The following MCPH1 variants were observed in gnomAD, a reference collection of about 807,000 sequenced individuals.
MCPH1 encodes microcephalin.
A neutral mutation model predicts 84.5 loss-of-function variants in MCPH1; 104 were observed. The ratio of observed to expected loss-of-function variants is 1.23; its 90% CI spans 1.05 to 1.45. The LOEUF is 1.45. Ranked by LOEUF, MCPH1 falls within the 40% of genes most tolerant of loss-of-function variation. The probability of loss-of-function intolerance (pLI) is 0.00; values close to 1 mark genes in which losing one functional copy is unlikely to be tolerated. For synonymous variants in MCPH1, 514 were observed against 366.8 expected (o/e 1.40, Z -4.58); for missense variants, 1,498 against 1,005.7 (o/e 1.49, Z -6.62).
chr8:6,462,703 G>A (rs1806414112), intron 9 of MCPH1, among the ~76,000 whole-genome samples: 1 of 152,140 alleles, frequency 6.6e-6, no homozygotes, highest in Non-Finnish European at 1.5e-5. Context: ...CTTAATATCT[G>A]TGCCTATACT....
Position 6,442,148 on chromosome 8 carries a change from T to C in MCPH1, c.662T>C (p.Leu221Ser). ...CCTTTGAACATTTCACGTGATACTTTGTGTTCAGGTAAAATTTTTATTTTC... is the reference window on the plus strand; with the variant it reads ...CCTTTGAACATTTCACGTGATACTTCGTGTTCAGGTAAAATTTTTATTTTC... ...EAPLNISRDT[L>S]CSDEYFAGGL... The change falls in exon 7 of 14, where the codon TTG becomes TCG. Residue 221 changes from leucine (L) to serine (S), a missense_variant. Transcript: ENST00000344683. The C allele has an allele frequency of 1.2e-6, 2 of 1,601,998 alleles. No individual in the cohort carries two copies. The highest frequency in any genetic ancestry group is 1.7e-6 in the Non-Finnish European group (2 of 1,169,074).
intron 12 of MCPH1, among the ~76,000 whole-genome samples, chr8:6,620,431 G>C (rs564346518): frequency 1.4e-4 from 22 of 152,090 alleles, no homozygotes; most frequent in Non-Finnish European, 1.2e-4. Flanking sequence ...TTTACTCTTT[G>C]CTGCTCTTCC....
At chr8:6,422,218 A>C (rs547738793) in intron 3 of MCPH1, among the ~76,000 whole-genome samples, 2 of 152,258 alleles carry the variant, frequency 1.3e-5, no homozygotes, top group African/African-American at 4.8e-5. Flanking sequence ...TAGTAAGTCT[A>C]ACATTCATCT....
intron 12 of MCPH1, among the ~76,000 whole-genome samples, chr8:6,552,456 G>C (rs1281992640): frequency 6.6e-6 from 1 of 152,144 alleles, no homozygotes; most frequent in Non-Finnish European, 1.5e-5. Context: ...ATTATCTTTC[G>C]AGTAAACATG....
chr8:6,572,294 A>G (rs979333524), intron 12 of MCPH1, among the ~76,000 whole-genome samples: 1 of 152,234 alleles, frequency 6.6e-6, no homozygotes, highest in Admixed American at 6.5e-5. Flanking sequence ...GCGCATTTAA[A>G]TCACCTTTTT....
At chr8:6,582,044 G>A (rs138956667) in intron 12 of MCPH1, among the ~76,000 whole-genome samples, 114 of 152,248 alleles carry the variant, frequency 7.5e-4, no homozygotes, top group Non-Finnish European at 1.4e-3. Flanking sequence ...TGAGGGAGGC[G>A]CAAACATTCA....
At chr8:6,580,594 T>G (rs1246314077) in intron 12 of MCPH1, among the ~76,000 whole-genome samples, 2 of 152,164 alleles carry the variant, frequency 1.3e-5, no homozygotes, top group African/African-American at 4.8e-5. Flanking sequence ...GACGTTGCAG[T>G]GAGCTGTGAT....
intron 12 of MCPH1, among the ~76,000 whole-genome samples, chr8:6,561,351 C>G (rs1586633022): frequency 6.6e-6 from 1 of 152,188 alleles, no homozygotes; most frequent in African/African-American, 2.4e-5. Flanking sequence ...GACACAGTAA[C>G]CAGTGGTGCT....
intron 12 of MCPH1, among the ~76,000 whole-genome samples, chr8:6,522,498 G>T (rs996085805): frequency 1.3e-5 from 2 of 152,184 alleles, no homozygotes; most frequent in African/African-American, 4.8e-5. Flanking sequence ...TGAGGGCCAG[G>T]CTCAGTGGCT....
chr8:6,513,013 G>T (rs915669434), intron 12 of MCPH1, among the ~76,000 whole-genome samples: 2 of 152,164 alleles, frequency 1.3e-5, no homozygotes, highest in African/African-American at 2.4e-5. Context: ...AAACAGCACA[G>T]TCACAAGTAT....
chr8:6,489,314 A>G (rs866975637), intron 11 of MCPH1, among the ~76,000 whole-genome samples: 20 of 150,520 alleles, frequency 1.3e-4, no homozygotes, highest in Middle Eastern at 3.4e-3. Context: ...GTCAGGGGGA[A>G]GGGGGAGGCA....
Position 6,646,079 on chromosome 8 carries a change from G to C in MCPH1, c.*3030G>C, listed in dbSNP as rs1227107024. The stretch of plus-strand genomic sequence containing the variant: ...ACAAAACAATTTTTTTAAGAGCAAA[G>C]TTGGAGGATTTATAGAACCTGATTC... On this transcript the variant is annotated 3_prime_UTR_variant, in exon 14 of 14. Transcript: ENST00000344683. The C allele has an allele frequency of 1.3e-5, 2 of 152,198 alleles. No homozygotes were observed. The highest frequency in any genetic ancestry group is 2.9e-5 in the Non-Finnish European group (2 of 68,040). The allele number at this position is 152,198 out of a possible 1,614,324, so 9.4% of individuals were successfully genotyped here.
At position 6,488,717 on chromosome 8, in the gene MCPH1, T is replaced by A. The variant is rs572105113; in HGVS notation, c.2136+7841T>A. 9.0e-4 allele frequency among the ~76,000 whole-genome samples: 137 copies of A among 151,912 alleles called. 1 individual carries two copies. The highest frequency in any genetic ancestry group is 6.8e-3 in the Middle Eastern group (2 of 294). On this transcript the variant is annotated intron_variant, in intron 11 of 13. Coordinates refer to ENST00000344683, the MANE Select transcript of MCPH1 (RefSeq NM_024596.5). ...GTAGGGCCCCAGTATGGCTGTGTAG[T>A]TCAAGACGAGGGATGCAGAAGCCAT...
At position 6,609,692 on chromosome 8, in the gene MCPH1, G is replaced by C. The variant is rs987533853; in HGVS notation, c.2215-11762G>C. On this transcript the variant is annotated intron_variant, in intron 12 of 13. Transcript: ENST00000344683. The stretch of plus-strand genomic sequence containing the variant: ...CGCTTTTACTTTTTGCATAAAATAA[G>C]AATTTGAGGAGGATGTCCCGGGAGA... Among the ~76,000 whole-genome samples, 5 of 152,326 alleles carry C rather than the reference G, an allele frequency of 3.3e-5. No homozygotes were observed. In the South Asian group the frequency reaches 6.2e-4, roughly 19 times the overall value.
intron 12 of MCPH1, among the ~76,000 whole-genome samples, chr8:6,589,807 G>A (rs1465604194): frequency 1.3e-5 from 2 of 152,132 alleles, no homozygotes; most frequent in East Asian, 3.9e-4. Context: ...ATAGTCATGG[G>A]AATGCTTGTA....
intron 12 of MCPH1, among the ~76,000 whole-genome samples, chr8:6,609,705 A>T (rs1324792335): frequency 1.3e-5 from 2 of 152,022 alleles, no homozygotes; most frequent in Non-Finnish European, 2.9e-5. Context: ...TTTGAGGAGG[A>T]TGTCCCGGGA....
intron 12 of MCPH1, among the ~76,000 whole-genome samples, chr8:6,506,396 A>C (rs1813735914): frequency 6.6e-6 from 1 of 151,978 alleles, no homozygotes. Flanking sequence ...TCTCTTTTCC[A>C]ATTACATTCT....
rs13272484 is a variant in MCPH1, at chr8:6,567,275, C to T, written c.2215-54179C>T. 5.0e-4 allele frequency among the ~76,000 whole-genome samples: 12 copies of T among 23,832 alleles called. No homozygotes were observed. In the Admixed American group the frequency reaches 6.6e-3, roughly 13 times the overall value. The allele number at this position is 23,832 out of a possible 152,430, so 15.6% of individuals were successfully genotyped here. A position where few individuals can be genotyped will look rare whatever the true frequency, so the allele number is the denominator to read the frequency against. ...TGCAGTGCGGTGACCGTGTGTGATC[C>T]GCAAGGTCATGGATAGTGTACACGG... On this transcript the variant is annotated intron_variant, in intron 12 of 13. Transcript: ENST00000344683.
intron 12 of MCPH1, among the ~76,000 whole-genome samples, chr8:6,574,012 C>G (rs746806989): frequency 1.3e-5 from 2 of 152,308 alleles, no homozygotes; most frequent in Non-Finnish European, 1.5e-5. Flanking sequence ...AACATTCTTA[C>G]AATTTCCCAA....
Sources: allele counts gnomAD v4.1 joint callset (sites outside exome capture counted in the v4.1 genomes callset), GRCh38; gene constraint gnomAD v4.1.1; transcripts MANE v1.5; gene names NCBI Gene and HGNC (gene_info 2026-07-23, HGNC 2026-07-21).